IRS4: variants seen among roughly 807,000 people sequenced by gnomAD.
IRS4 encodes the protein insulin receptor substrate 4.
Under a neutral mutation model 48.6 loss-of-function variants are expected in IRS4, and 15 were observed. The ratio of observed to expected loss-of-function variants is 0.31; its 90% confidence interval spans 0.21 to 0.48. IRS4 has a LOEUF of 0.48. Ranked by LOEUF, IRS4 falls within the 20% of genes least tolerant of loss-of-function variation. The probability of loss-of-function intolerance (pLI) is 0.99; values close to 1 mark genes in which losing one functional copy is unlikely to be tolerated. For missense variants in IRS4, 987 were observed against 1,023.4 expected, an observed-to-expected ratio of 0.96 and a Z score of 0.49; for synonymous variants, 459 against 413.2, an observed-to-expected ratio of 1.11 and a Z score of -1.34.
chrX:108,727,375 C>A (rs988978440), intron 1 of IRS4, among the ~76,000 whole-genome samples: 2 of 111,791 alleles, frequency 1.8e-5, no homozygotes, highest in African/African-American at 6.5e-5. Flanking sequence ...AAATGTGAGA[C>A]CTGTAGCTAC....
rs1389735433 is a variant in IRS4, at chrX:108,720,068, G to A, written c.*2451C>T. 3 of 111,390 alleles carry A rather than the reference G, an allele frequency of 2.7e-5. No individual in the cohort carries two copies. Among genetic ancestry groups the A allele is most frequent in the Admixed American group, 1.9e-4 (2 of 10,438 alleles). The allele number at this position is 111,390 out of a possible 1,213,427, so 9.2% of individuals were successfully genotyped here. On this transcript the variant is annotated 3_prime_UTR_variant, in exon 2 of 2. Transcript: ENST00000372129. ...AAAGTCGTCTCCCAAAACTGCAAAC[G>A]AGATGTTTACAAGGAAAAGAAAGTA...
rs1603336315 is a variant in IRS4, at chrX:108,733,005, G to C, written c.3340C>G (p.Pro1114Ala). ...PTDSLERDLS[P>A]SSAPAVASAA... ...GAAGCGACAGCCGGGGCTGAGGATG[G>C]GGAAAGGTCTCTCTCGAGGCTGTCT... is the stretch of plus-strand genomic sequence containing the variant. The change falls in exon 1 of 2, where the codon CCA becomes GCA. Residue 1114 changes from proline (P) to alanine (A), a missense_variant. Coordinates refer to ENST00000372129, the MANE Select transcript of IRS4 (RefSeq NM_001379150.1). 1 of 1,207,351 alleles carries C rather than the reference G, an allele frequency of 8.3e-7. No individual in the cohort carries two copies. Among genetic ancestry groups the C allele is most frequent in the East Asian group, 3.0e-5 (1 of 33,674 alleles).
rs1049199359 is a variant in IRS4, at chrX:108,720,764, T to TAA, written c.*1753_*1754dup. Reference sequence around the variant, plus strand: ...AAAGAGAAGAGTCTGAAGGAACTGATAAAGTTGATGCCCTAGCAGTGACCA... The same window carrying TAA: ...AAAGAGAAGAGTCTGAAGGAACTGATAAAAAGTTGATGCCCTAGCAGTGACCA... On this transcript the variant is annotated 3_prime_UTR_variant, in exon 2 of 2. Coordinates refer to ENST00000372129, the MANE Select transcript of IRS4 (RefSeq NM_001379150.1). The TAA allele has an allele frequency of 2.7e-5, 3 of 111,780 alleles. No individual in the cohort carries two copies. Among genetic ancestry groups the TAA allele is most frequent in the Non-Finnish European group, 5.6e-5 (3 of 53,169 alleles). The allele number at this position is 111,780 out of a possible 1,213,427, so 9.2% of individuals were successfully genotyped here. A position where few individuals can be genotyped will look rare whatever the true frequency, so the allele number is the denominator to read the frequency against.
intron 1 of IRS4, chrX:108,726,031 G>A (rs2068873260): frequency 8.9e-6 from 1 of 112,129 alleles, no homozygotes; most frequent in Admixed American, 9.4e-5. Context: ...ACACACACAT[G>A]GGCCACTTCA....
chrX:108,733,824 G>A lies in IRS4; in HGVS notation c.2521C>T (p.Leu841=), dbSNP rs1281598519. 8.3e-7 allele frequency: 1 copy of A among 1,211,380 alleles called. No homozygotes were observed. The highest frequency in any genetic ancestry group is 1.1e-6 in the Non-Finnish European group (1 of 895,449). The change falls in exon 1 of 2, where the codon CTA becomes TTA. Residue 841 remains leucine, a synonymous_variant. Coordinates refer to ENST00000372129, the MANE Select transcript of IRS4 (RefSeq NM_001379150.1). ...MLPGKFLGRG[L]DKEVSYNWDP... The stretch of plus-strand genomic sequence containing the variant: ...CAGTTATAGGAGACTTCTTTGTCTA[G>A]GCCCCTCCCCAGGAACTTTCCAGGT...
In IRS4 at chrX:108,733,239, T is replaced by C. The variant is rs748275800; in HGVS notation, c.3106A>G (p.Ile1036Val). ...TPAMALADSA[I>V]RYDAETGRIY... ...CGACCTGTTTCAGCATCATAGCGAA[T>C]GGCACTGTCAGCAAGAGCCATGGCT... is the stretch of plus-strand genomic sequence containing the variant. The change falls in exon 1 of 2, where the codon ATT becomes GTT. Residue 1036 changes from isoleucine to valine, a missense_variant. Physicochemically the swap from Ile to Val is conservative, Grantham distance 29 (BLOSUM62 3). Coordinates refer to ENST00000372129, the MANE Select transcript of IRS4 (RefSeq NM_001379150.1). 5.0e-6 allele frequency: 6 copies of C among 1,210,164 alleles called. No homozygotes were observed. In the South Asian group the frequency reaches 1.1e-4, roughly 21 times the overall value.
At position 108,732,637 on chromosome X, in the gene IRS4, G is replaced by A. The variant is rs773895111; in HGVS notation, c.3708C>T (p.Asp1236=). 5.0e-6 allele frequency: 6 copies of A among 1,209,899 alleles called. No homozygotes were observed. In the African/African-American group the frequency reaches 1.1e-4, roughly 21 times the overall value. ...TGGCAAAATCCATTCTCACGTGAGT[G>A]TCGTCGTCGTTGTCAGAATCTTCTC... ...PEREDSDNDD[D]THVRMDFARR... is the part of the protein sequence containing the mutation. The change falls in exon 1 of 2, where the codon GAC becomes GAT. Residue 1236 remains aspartate, a synonymous_variant. Transcript: ENST00000372129.
At position 108,733,157 on chromosome X, in the gene IRS4, C is replaced by G; in HGVS notation, c.3188G>C (p.Ser1063Thr). Residue 1063 changes from serine to threonine, a missense_variant, in exon 1 of 2, where the codon AGC (serine) becomes ACC (threonine). Physicochemically the swap from Ser to Thr is moderately conservative, Grantham distance 58 (BLOSUM62 1). This residue lies in a region of IRS4 where 720 missense variants were observed against 660.3 expected (regional missense o/e 1.09). Transcript: ENST00000372129. Reference sequence around the variant, plus strand: ...TACAGGTGGTGGTTCAGAACATCGGCTGGGGGAGAGAGAAATATCCATACA... The same window carrying G: ...TACAGGTGGTGGTTCAGAACATCGGGTGGGGGAGAGAGAAATATCCATACA... ...ECCMDISLSPSRCSEPPPVAR... is the reference protein window; with the variant it reads ...ECCMDISLSPTRCSEPPPVAR... The G allele has an allele frequency of 8.3e-7, 1 of 1,210,633 alleles. No homozygotes were observed. Among genetic ancestry groups the G allele is most frequent in the Non-Finnish European group, 1.1e-6 (1 of 894,520 alleles).
In IRS4 at chrX:108,736,069, G is replaced by T. The variant is rs1392505105; in HGVS notation, c.276C>A (p.His92Gln). 1 of 1,208,794 alleles carries T rather than the reference G, an allele frequency of 8.3e-7. No homozygotes were observed. Among genetic ancestry groups the T allele is most frequent in the Non-Finnish European group, 1.1e-6 (1 of 894,916 alleles). The change falls in exon 1 of 2, where the codon CAC becomes CAA. Residue 92 changes from histidine (H) to glutamine (Q), a missense_variant. By Grantham distance (24) the His-to-Gln change is conservative. Around this residue, in one of 4 missense-constraint regions of IRS4, gnomAD observed 173 missense variants for 208.9 expected, o/e 0.83. Coordinates refer to ENST00000372129, the MANE Select transcript of IRS4 (RefSeq NM_001379150.1). ...RGYLRKQKHG[H>Q]RRYFVLKLET... ...CGAGTTTGAGCACGAAGTAGCGCCT[G>T]TGCCCATGCTTCTGTTTCCGCAGGT...
rs768870922 is a variant in IRS4 at position 108,736,144 on chromosome X, C to T, written c.201G>A (p.Glu67=). Residue 67 remains glutamate (E), a synonymous_variant, in exon 1 of 2, where the codon GAG becomes GAA. Transcript: ENST00000372129. ...STATGSRSDS[E]SEEEDLPVGE... is the part of the protein sequence containing the mutation. ...CGACGGGCAGGTCCTCCTCTTCGGACTCGGAGTCTGACCGGGAGCCAGTGG... is the reference window on the plus strand; with the variant it reads ...CGACGGGCAGGTCCTCCTCTTCGGATTCGGAGTCTGACCGGGAGCCAGTGG... 14 of 1,208,794 alleles carry T rather than the reference C, an allele frequency of 1.2e-5. No individual in the cohort carries two copies. In the African/African-American group the frequency reaches 2.5e-4, roughly 21 times the overall value.
chrX:108,727,433 A>G (rs1357780110), intron 1 of IRS4, among the ~76,000 whole-genome samples: 1 of 112,193 alleles, frequency 8.9e-6, no homozygotes, highest in African/African-American at 3.2e-5. Context: ...TTTTAAGTTC[A>G]TATGGCAAGC....
At chrX:108,732,319 T>A (rs1464824665) in intron 1 of IRS4, 1 of 123,610 alleles carries the variant, frequency 8.1e-6, no homozygotes, top group African/African-American at 3.2e-5. Flanking sequence ...TTTTTATGTC[T>A]GCGTTTTAAC....
intron 1 of IRS4, among the ~76,000 whole-genome samples, chrX:108,728,196 C>T (rs2068883833): frequency 1.8e-5 from 2 of 111,848 alleles, no homozygotes; most frequent in Admixed American, 1.9e-4. Context: ...CAACTCCTCC[C>T]TATATCAGAT....
chrX:108,732,383 A>G (rs2068906725), intron 1 of IRS4, 196 bp downstream of exon 1: 2 of 612,321 alleles, frequency 3.3e-6, no homozygotes, highest in South Asian at 3.1e-5. Flanking sequence ...CTGTCCAGAT[A>G]AAGAAATTGA....
Position 108,736,549 on chromosome X carries a change from T to C in IRS4, c.-205A>G, listed in dbSNP as rs1436582897. On this transcript the variant is annotated 5_prime_UTR_variant, in exon 1 of 2. Transcript: ENST00000372129. ...CTCACGCGGCGGCCGCTGCGGATCCTGCTACCGGCGCAATGGAGGGGCGCG... is the reference window on the plus strand; with the variant it reads ...CTCACGCGGCGGCCGCTGCGGATCCCGCTACCGGCGCAATGGAGGGGCGCG... 3 of 630,955 alleles carry C rather than the reference T, an allele frequency of 4.8e-6. No individual in the cohort carries two copies. The highest frequency in any genetic ancestry group is 7.2e-6 in the Non-Finnish European group (3 of 417,693). 52.0% of individuals were successfully genotyped at this position (630,955 alleles called of 1,213,427 possible). A position where few individuals can be genotyped will look rare whatever the true frequency, so the allele number is the denominator to read the frequency against.
rs1227045271 is a variant in IRS4, at chrX:108,734,394, C to G, written c.1951G>C (p.Gly651Arg). The change falls in exon 1 of 2, where the codon GGA becomes CGA. Residue 651 changes from glycine to arginine, a missense_variant. Physicochemically the swap from Gly to Arg is moderately radical, Grantham distance 125. Around this residue, in one of 4 missense-constraint regions of IRS4, gnomAD observed 720 missense variants for 660.3 expected, o/e 1.09. Transcript: ENST00000372129. ...GGTGGKGKSG[G>R]RFRLYFCVDR... Reference sequence around the variant, plus strand: ...ACACAAAAATAAAGTCTGAATCTTCCCCCAGACTTCCCTTTTCCACCAGTT... The same window carrying G: ...ACACAAAAATAAAGTCTGAATCTTCGCCCAGACTTCCCTTTTCCACCAGTT... 1 of 1,211,619 alleles carries G rather than the reference C, an allele frequency of 8.3e-7. No individual in the cohort carries two copies. Among genetic ancestry groups the G allele is most frequent in the Non-Finnish European group, 1.1e-6 (1 of 895,421 alleles).
At position 108,733,108 on chromosome X, in the gene IRS4, C is replaced by T. The variant is rs1374594204; in HGVS notation, c.3237G>A (p.Glu1079=). The T allele has an allele frequency of 8.3e-7, 1 of 1,210,016 alleles. No individual in the cohort carries two copies. Among genetic ancestry groups the T allele is most frequent in the African/African-American group, 1.7e-5 (1 of 57,218 alleles). Residue 1079 remains glutamate, a synonymous_variant, in exon 1 of 2, where the codon GAG becomes GAA. Transcript: ENST00000372129. ...GGCTTTGTGGGCGTCTTCTCTCCTGCTCTTCTTCCTGCAGCAGCCTAGCTA... is the reference window on the plus strand; with the variant it reads ...GGCTTTGTGGGCGTCTTCTCTCCTGTTCTTCTTCCTGCAGCAGCCTAGCTA... ...PPVARLLQEE[E]QERRRPQSRS...
intron 1 of IRS4, among the ~76,000 whole-genome samples, chrX:108,729,176 T>A (rs768285064): frequency 9.0e-6 from 1 of 111,568 alleles, no homozygotes; most frequent in South Asian, 3.8e-4. Flanking sequence ...AAAAACAATG[T>A]GCTCTTAGTG....
In IRS4 at chrX:108,735,937, G is replaced by A; in HGVS notation, c.408C>T (p.Ala136=). Residue 136 remains alanine (A), a synonymous_variant, in exon 1 of 2, where the codon GCC becomes GCT. Transcript: ENST00000372129. ...GCGGTGGAATGAGCGGGGGGATCGC[G>A]GCGCCAGAGGCGGCCGCCGCTGCTG... ...AAAAAAAASG[A]AIPPLIPPRR... 1 of 1,207,621 alleles carries A rather than the reference G, an allele frequency of 8.3e-7. No homozygotes were observed.
Sources: allele counts gnomAD v4.1 joint callset (sites outside exome capture counted in the v4.1 genomes callset), GRCh38; gene constraint gnomAD v4.1.1; regional missense constraint gnomAD v4.1.1; transcripts MANE v1.5; gene names NCBI Gene and HGNC (gene_info 2026-07-23, HGNC 2026-07-21).